EIF2AK2: variants seen among roughly 807,000 people sequenced by gnomAD.
EIF2AK2 encodes eukaryotic translation initiation factor 2 alpha kinase 2, also known as interferon-induced, double-stranded RNA-activated protein kinase.
EIF2AK2 carries 40 observed loss-of-function variants against 70.5 expected under a neutral mutation model. The ratio of observed to expected loss-of-function variants is 0.57; its 90% CI spans 0.44 to 0.74. The LOEUF is 0.74. Among genes scored for constraint, EIF2AK2 ranks in the 30% least tolerant of loss-of-function variants. EIF2AK2 has a pLI of 0.00. For synonymous variants in EIF2AK2, 198 were observed against 220.9 expected (o/e 0.90, Z 0.92); for missense variants, 555 against 644.3 (o/e 0.86, Z 1.50).
rs1199141271 is a variant in EIF2AK2 at position 37,120,043 on chromosome 2, T to C, written c.1164A>G (p.Lys388=). The change falls in exon 13 of 17, where the codon AAA becomes AAG. Residue 388 remains lysine (K), a synonymous_variant. Transcript: ENST00000233057. The stretch of plus-strand genomic sequence containing the variant: ...GTTCAAAGAGTTCCAAAGCCAAAAC[T>C]TTGTCTAGTTTCTCGCCTCTTCTTT... ...IEKRRGEKLD[K]VLALELFEQI... 1.9e-6 allele frequency: 3 copies of C among 1,568,468 alleles called. No individual in the cohort carries two copies. The highest frequency in any genetic ancestry group is 1.2e-5 in the South Asian group (1 of 84,246).
At chr2:37,134,910 G>A (rs763037957) in intron 10 of EIF2AK2, among the ~76,000 whole-genome samples, 1 of 152,130 alleles carries the variant, frequency 6.6e-6, no homozygotes, top group Non-Finnish European at 1.5e-5. Context: ...GGAAGAGGAG[G>A]GCCATCCACG....
intron 10 of EIF2AK2, among the ~76,000 whole-genome samples, chr2:37,132,360 G>C (rs2148692503): frequency 6.6e-6 from 1 of 152,306 alleles, no homozygotes; most frequent in South Asian, 2.1e-4. Context: ...GGGAGGCTGA[G>C]GCGGGCGGAT....
intron 5 of EIF2AK2, 72 bp downstream of exon 5, chr2:37,141,481 T>G (rs553313228): frequency 1.3e-6 from 2 of 1,557,490 alleles, no homozygotes; most frequent in African/African-American, 1.4e-5. Context: ...TCTGGAAAAT[T>G]AGACACGAAA....
chr2:37,132,051 A>C (rs986517510), intron 10 of EIF2AK2, among the ~76,000 whole-genome samples: 1 of 152,230 alleles, frequency 6.6e-6, no homozygotes, highest in African/African-American at 2.4e-5. Context: ...TACTTCCAAA[A>C]AAGGCTGCAG....
At position 37,138,108 on chromosome 2, in the gene EIF2AK2, CAAA is replaced by C. The variant is rs59032875; in HGVS notation, c.687+159_687+161del. ...TGGGCAACAGAGGGAGACTCCATCT[CAAA>C]AAAAAAAAAAAAAAAAGTCTACTGA... On this transcript the variant is annotated intron_variant, in intron 8 of 16. Coordinates refer to ENST00000233057, the MANE Select transcript of EIF2AK2 (RefSeq NM_001135651.3). Among the ~76,000 whole-genome samples the C allele has an allele frequency of 9.6e-3, 646 of 67,130 alleles. 2 individuals carry two copies. The highest frequency in any genetic ancestry group is 0.029 in the African/African-American group (596 of 20,664). 44.0% of individuals were successfully genotyped at this position (67,130 alleles called of 152,430 possible).
rs1174859786 is a variant in EIF2AK2, at chr2:37,147,681, A to G, written c.119+7T>C. On this transcript the variant is annotated splice_region_variant and intron_variant, in intron 3 of 16. Transcript: ENST00000233057. ...TGGCTGCCATATCATTTTTTATAGC[A>G]ACCTACCTCCTATCATGTGGAGGTC... is the stretch of plus-strand genomic sequence containing the variant. The G allele has an allele frequency of 6.3e-7, 1 of 1,576,508 alleles. No individual in the cohort carries two copies. The highest frequency in any genetic ancestry group is 8.7e-7 in the Non-Finnish European group (1 of 1,147,962).
rs1241976143 is a variant in EIF2AK2 at position 37,099,658 on chromosome 2, T to C, written c.*7615A>G. 6.6e-6 allele frequency: 1 copy of C among 152,182 alleles called. No individual in the cohort carries two copies. The highest frequency in any genetic ancestry group is 1.5e-5 in the Non-Finnish European group (1 of 68,032). 9.4% of individuals were successfully genotyped at this position (152,182 alleles called of 1,614,324 possible). A position where few individuals can be genotyped will look rare whatever the true frequency, so the allele number is the denominator to read the frequency against. On this transcript the variant is annotated 3_prime_UTR_variant, in exon 17 of 17. Coordinates refer to ENST00000233057, the MANE Select transcript of EIF2AK2 (RefSeq NM_001135651.3). The stretch of plus-strand genomic sequence containing the variant: ...TATAATCCAGCCATTCTCCTAGGAA[T>C]ATACATCCAAGAGAAATGAAAACAA...
intron 1 of EIF2AK2, among the ~76,000 whole-genome samples, chr2:37,150,996 T>G (rs975326838): frequency 6.6e-6 from 1 of 152,152 alleles, no homozygotes; most frequent in African/African-American, 2.4e-5. Flanking sequence ...TATAAAACTC[T>G]TAGAAGAAAA....
At chr2:37,130,059 A>C (rs565740680) in intron 10 of EIF2AK2, among the ~76,000 whole-genome samples, 4 of 152,210 alleles carry the variant, frequency 2.6e-5, no homozygotes, top group Non-Finnish European at 5.9e-5. Flanking sequence ...GACTATGGGG[A>C]CTCAAGTCCA....
rs1673822634 is a variant in EIF2AK2 at position 37,101,384 on chromosome 2, A to G, written c.*5889T>C. On this transcript the variant is annotated 3_prime_UTR_variant, in exon 17 of 17. Coordinates refer to ENST00000233057, the MANE Select transcript of EIF2AK2 (RefSeq NM_001135651.3). ...TATTTTACAACCCCTGAAATGAAAT[A>G]ATGGATCCAGGCAACAATTATCAAT... 1 of 152,228 alleles carries G rather than the reference A, an allele frequency of 6.6e-6. No homozygotes were observed. The highest frequency in any genetic ancestry group is 1.5e-5 in the Non-Finnish European group (1 of 68,042). The allele number at this position is 152,228 out of a possible 1,614,324, so 9.4% of individuals were successfully genotyped here.
chr2:37,149,935 A>C (rs1675684437), intron 1 of EIF2AK2, among the ~76,000 whole-genome samples: 1 of 152,216 alleles, frequency 6.6e-6, no homozygotes, highest in Non-Finnish European at 1.5e-5. Context: ...TGGCCAACAA[A>C]GATGAAAGTC....
chr2:37,118,394 T>G (rs1376613920), intron 13 of EIF2AK2, among the ~76,000 whole-genome samples: 1 of 152,174 alleles, frequency 6.6e-6, no homozygotes, highest in African/African-American at 2.4e-5. Flanking sequence ...AAAAATTCTC[T>G]GCAAATAGAC....
At chr2:37,145,118 T>C (rs892313164) in intron 4 of EIF2AK2, among the ~76,000 whole-genome samples, 1 of 151,346 alleles carries the variant, frequency 6.6e-6, no homozygotes, top group Non-Finnish European at 1.5e-5. Context: ...AGCCATACTA[T>C]GTGTTTGTTT....
At position 37,133,780 on chromosome 2, in the gene EIF2AK2, C is replaced by G. The variant is rs190356315; in HGVS notation, c.785+1704G>C. Among the ~76,000 whole-genome samples, 3 of 152,338 alleles carry G rather than the reference C, an allele frequency of 2.0e-5. No individual in the cohort carries two copies. In the East Asian group the frequency reaches 5.8e-4, roughly 29 times the overall value. On this transcript the variant is annotated intron_variant, in intron 10 of 16. Transcript: ENST00000233057. The stretch of plus-strand genomic sequence containing the variant: ...CTTCCTAACTAGCCTTGTTACAGAC[C>G]TTCAGTGGTATCCTTATGAAACTCT...
At chr2:37,110,631 C>G (rs1674111961) in intron 14 of EIF2AK2, among the ~76,000 whole-genome samples, 1 of 152,160 alleles carries the variant, frequency 6.6e-6, no homozygotes, top group Non-Finnish European at 1.5e-5. Context: ...CTCAAACCAT[C>G]AGATAGCTCA....
intron 11 of EIF2AK2, 27 bp downstream of exon 11, chr2:37,126,261 CA>C (rs1674724729): frequency 3.2e-6 from 5 of 1,554,028 alleles, no homozygotes; most frequent in Admixed American, 2.1e-5. Context: ...CCTTGCCATT[CA>C]AAAAAATGTA....
chr2:37,104,711 T>G lies in EIF2AK2; in HGVS notation c.*2562A>C, dbSNP rs1673912696. The G allele has an allele frequency of 6.6e-6, 1 of 151,974 alleles. No homozygotes were observed. Among genetic ancestry groups the G allele is most frequent in the Non-Finnish European group, 1.5e-5 (1 of 68,000 alleles). The allele number at this position is 151,974 out of a possible 1,614,324, so 9.4% of individuals were successfully genotyped here. A position where few individuals can be genotyped will look rare whatever the true frequency, so the allele number is the denominator to read the frequency against. On this transcript the variant is annotated 3_prime_UTR_variant, in exon 17 of 17. Coordinates refer to ENST00000233057, the MANE Select transcript of EIF2AK2 (RefSeq NM_001135651.3). ...CAAGTCTCTCCCCTTTTTTTTTTTTTCATGACACTGACTTTTTGAGAAGCC... is the reference window on the plus strand; with the variant it reads ...CAAGTCTCTCCCCTTTTTTTTTTTTGCATGACACTGACTTTTTGAGAAGCC...
intron 11 of EIF2AK2, among the ~76,000 whole-genome samples, chr2:37,125,258 G>GC (rs1674692127): frequency 6.6e-6 from 1 of 152,124 alleles, no homozygotes; most frequent in East Asian, 1.9e-4. Flanking sequence ...TGATCCGCCT[G>GC]CCACGGCCTC....
intron 8 of EIF2AK2, 127 bp downstream of exon 8, chr2:37,138,143 A>G: frequency 1.6e-6 from 1 of 620,002 alleles, no homozygotes. Context: ...CTGAGGTATT[A>G]TCATTTAGTA....
Sources: allele counts gnomAD v4.1 joint callset (sites outside exome capture counted in the v4.1 genomes callset), GRCh38; gene constraint gnomAD v4.1.1; transcripts MANE v1.5; gene names NCBI Gene and HGNC (gene_info 2026-07-23, HGNC 2026-07-21).